UGGT2: variants seen among roughly 807,000 people sequenced by gnomAD.
UGGT2 encodes UDP-glucose glycoprotein glucosyltransferase 2, also known as UDP-glucose:glycoprotein glucosyltransferase 2.
A neutral mutation model predicts 192.1 loss-of-function variants in UGGT2; 180 were observed. That is an observed-to-expected ratio of 0.94 (90% CI 0.83 to 1.06). UGGT2 has a LOEUF of 1.06. UGGT2 is among the 50% of genes least tolerant of loss of function. The pLI is 0.00. For missense variants in UGGT2, 1,849 were observed against 1,795.7 expected, an observed-to-expected ratio of 1.03 and a Z score of -0.54; for synonymous variants, 580 against 591.0, an observed-to-expected ratio of 0.98 and a Z score of 0.27.
At chr13:95,876,597 C>T (rs1304867945) in intron 29 of UGGT2, among the ~76,000 whole-genome samples, 2 of 152,186 alleles carry the variant, frequency 1.3e-5, no homozygotes, top group African/African-American at 4.8e-5. Context: ...GCTCACTTCC[C>T]TCTACTTCCC....
intron 38 of UGGT2, among the ~76,000 whole-genome samples, chr13:95,814,161 G>A (rs1428175619): frequency 1.3e-5 from 2 of 152,208 alleles, no homozygotes; most frequent in African/African-American, 2.4e-5. Flanking sequence ...TCCCCACTGG[G>A]GTACTGCCTA....
chr13:95,963,185 A>T (rs1430799041), intron 12 of UGGT2, among the ~76,000 whole-genome samples: 1 of 152,182 alleles, frequency 6.6e-6, no homozygotes, highest in Non-Finnish European at 1.5e-5. Flanking sequence ...ATCCAAAAGC[A>T]TATCAAAAAT....
chr13:95,880,076 G>C (rs1366068556), intron 27 of UGGT2, among the ~76,000 whole-genome samples: 1 of 152,094 alleles, frequency 6.6e-6, no homozygotes, highest in Admixed American at 6.6e-5. Context: ...CCGGGTGTGT[G>C]ATGTTCCTTT....
At chr13:95,961,112 G>T (rs569923027) in intron 12 of UGGT2, among the ~76,000 whole-genome samples, 6 of 152,088 alleles carry the variant, frequency 3.9e-5, no homozygotes, top group Non-Finnish European at 8.8e-5. Flanking sequence ...ACAAACCACT[G>T]AAGTCAGAGA....
chr13:95,877,570 A>C, intron 28 of UGGT2, 128 bp downstream of exon 28: 1 of 1,161,582 alleles, frequency 8.6e-7, no homozygotes, highest in Non-Finnish European at 1.2e-6. Flanking sequence ...ATCTTATTCA[A>C]AGATTCAATT....
chr13:95,988,403 T>C (rs542506777), intron 8 of UGGT2, among the ~76,000 whole-genome samples: 116 of 152,250 alleles, frequency 7.6e-4, no homozygotes, highest in African/African-American at 2.6e-3. Context: ...TTGAAACTAC[T>C]ACCTCAGTTT....
At chr13:95,861,403 G>C (rs1455965836) in intron 31 of UGGT2, among the ~76,000 whole-genome samples, 1 of 152,070 alleles carries the variant, frequency 6.6e-6, no homozygotes, top group Non-Finnish European at 1.5e-5. Context: ...GCAGGGTATG[G>C]AGTATGCTCT....
chr13:96,028,372 G>A (rs1438465786), intron 2 of UGGT2, among the ~76,000 whole-genome samples: 2 of 152,128 alleles, frequency 1.3e-5, no homozygotes, highest in Non-Finnish European at 2.9e-5. Context: ...CTTAATTTGT[G>A]TAAAAACCAC....
intron 38 of UGGT2, among the ~76,000 whole-genome samples, chr13:95,819,777 G>A (rs1885304355): frequency 6.6e-6 from 1 of 152,126 alleles, no homozygotes. Context: ...CAACTCTTAG[G>A]TCAAAGGGGT....
chr13:95,983,762 T>C (rs2051202698), intron 10 of UGGT2, 42 bp downstream of exon 10: 2 of 1,351,222 alleles, frequency 1.5e-6, no homozygotes, highest in Middle Eastern at 1.9e-4. Flanking sequence ...GAAACAGTGA[T>C]ATTAGTTGGG....
chr13:96,025,246 C>T (rs1356650833), intron 2 of UGGT2, among the ~76,000 whole-genome samples: 1 of 152,006 alleles, frequency 6.6e-6, no homozygotes, highest in Admixed American at 6.6e-5. Context: ...TGACAAGATA[C>T]GTGGATTTCT....
chr13:95,884,267 G>GA (rs967128930), intron 27 of UGGT2, among the ~76,000 whole-genome samples: 1 of 151,906 alleles, frequency 6.6e-6, no homozygotes, highest in Admixed American at 6.6e-5. Flanking sequence ...AAGAAAGAAA[G>GA]AAAAAATGTA....
intron 20 of UGGT2, among the ~76,000 whole-genome samples, chr13:95,910,500 A>G (rs898218968): frequency 6.6e-6 from 1 of 152,248 alleles, no homozygotes; most frequent in African/African-American, 2.4e-5. Flanking sequence ...AAAGGCCAGT[A>G]CATAATGGTA....
rs560033886 is a variant in UGGT2 at position 95,932,035 on chromosome 13, G to A, written c.1978-4699C>T. ...TTGTTCTTTTTCTTGGAATTGCCTT[G>A]GCTATTTGGGCTCTTTTCTGGTTCC... On this transcript the variant is annotated intron_variant, in intron 17 of 38. Transcript: ENST00000376747. 7.6e-4 allele frequency among the ~76,000 whole-genome samples: 115 copies of A among 152,272 alleles called. 1 individual carries two copies. The South Asian group carries it at 0.023, about 30-fold the overall frequency.
intron 1 of UGGT2, among the ~76,000 whole-genome samples, chr13:96,042,565 A>G (rs2139204636): frequency 6.6e-6 from 1 of 152,294 alleles, no homozygotes; most frequent in African/African-American, 2.4e-5. Context: ...TTATTAAGCT[A>G]ATCAAGGAGG....
At chr13:95,867,450 T>C in intron 29 of UGGT2, 27 bp from the exon 30 acceptor site, 1 of 1,558,996 alleles carries the variant, frequency 6.4e-7, no homozygotes. Flanking sequence ...GTGTCCATAA[T>C]TAATTTAAGA....
Position 95,965,498 on chromosome 13 carries a change from A to C in UGGT2, c.1335+4614T>G, listed in dbSNP as rs527596767. Among the ~76,000 whole-genome samples the C allele has an allele frequency of 1.5e-4, 22 of 150,172 alleles. No individual in the cohort carries two copies. The East Asian group carries it at 4.2e-3, about 29-fold the overall frequency. Reference sequence around the variant, plus strand: ...CAGTAAACTATCACAAGGACAAAAAACCAAACACCGCCATGTTCTCACTCA... The same window carrying C: ...CAGTAAACTATCACAAGGACAAAAACCCAAACACCGCCATGTTCTCACTCA... On this transcript the variant is annotated intron_variant, in intron 12 of 38. Coordinates refer to ENST00000376747, the MANE Select transcript of UGGT2 (RefSeq NM_020121.4).
At chr13:96,035,119 C>T (rs1208975727) in intron 1 of UGGT2, among the ~76,000 whole-genome samples, 1 of 152,090 alleles carries the variant, frequency 6.6e-6, no homozygotes, top group Non-Finnish European at 1.5e-5. Flanking sequence ...CAATCTGAAG[C>T]AAAAAGAACA....
rs146903560 is a variant in UGGT2, at chr13:95,827,039, A to G, written c.4528+5888T>C. 4.6e-5 allele frequency among the ~76,000 whole-genome samples: 7 copies of G among 152,296 alleles called. No individual in the cohort carries two copies. In the East Asian group the frequency reaches 1.3e-3, roughly 29 times the overall value. ...TAAAAAGGGCCAAACAAGACATCCTAATATTGGAATTTAATATATGATAAA... is the reference window on the plus strand; with the variant it reads ...TAAAAAGGGCCAAACAAGACATCCTGATATTGGAATTTAATATATGATAAA... On this transcript the variant is annotated intron_variant, in intron 38 of 38. Coordinates refer to ENST00000376747, the MANE Select transcript of UGGT2 (RefSeq NM_020121.4).
Sources: allele counts gnomAD v4.1 joint callset (sites outside exome capture counted in the v4.1 genomes callset), GRCh38; gene constraint gnomAD v4.1.1; transcripts MANE v1.5; gene names NCBI Gene and HGNC (gene_info 2026-07-23, HGNC 2026-07-21).